TMEM181: variants seen among roughly 807,000 people sequenced by gnomAD.
TMEM181 encodes the protein transmembrane protein 181, also known as G protein-coupled receptor 178.
Under a neutral mutation model 71.9 loss-of-function variants are expected in TMEM181, and 39 were observed. That is an observed-to-expected ratio of 0.54 (90% CI 0.42 to 0.71). TMEM181 has a LOEUF of 0.71. Among genes scored for constraint, TMEM181 ranks in the 30% least tolerant of loss-of-function variants. TMEM181 has a pLI of 0.00. For synonymous variants in TMEM181, 245 were observed against 228.8 expected, an observed-to-expected ratio of 1.07 and a Z score of -0.64; for missense variants, 595 against 583.0, an observed-to-expected ratio of 1.02 and a Z score of -0.21.
At chr6:158,621,952 C>T (rs542129583) in intron 10 of TMEM181, among the ~76,000 whole-genome samples, 112 of 152,288 alleles carry the variant, frequency 7.4e-4, no homozygotes, top group African/African-American at 2.5e-3. Context: ...TCCCGCAGCT[C>T]GCCCACCTGC....
intron 1 of TMEM181, among the ~76,000 whole-genome samples, chr6:158,552,111 C>T (rs924721183): frequency 2.6e-5 from 4 of 152,062 alleles, no homozygotes; most frequent in Admixed American, 6.5e-5. Context: ...GAAAGGCATG[C>T]GAAATTTAAA....
At chr6:158,614,131 A>G (rs913019011) in intron 10 of TMEM181, among the ~76,000 whole-genome samples, 36 of 152,238 alleles carry the variant, frequency 2.4e-4, no homozygotes, top group Non-Finnish European at 2.1e-4. Context: ...GTACCTAAAC[A>G]TGTTAAATAA....
At chr6:158,563,910 A>C (rs1271306948) in intron 1 of TMEM181, among the ~76,000 whole-genome samples, 1 of 152,056 alleles carries the variant, frequency 6.6e-6, no homozygotes, top group African/African-American at 2.4e-5. Flanking sequence ...GCCTCCCAAG[A>C]AGCTGGAACT....
intron 2 of TMEM181, among the ~76,000 whole-genome samples, chr6:158,578,235 A>AAGTG (rs1490054380): frequency 1.3e-5 from 2 of 152,240 alleles, no homozygotes; most frequent in Non-Finnish European, 2.9e-5. Context: ...AGTATTGCTG[A>AAGTG]AGTGAGTCCT....
intron 6 of TMEM181, among the ~76,000 whole-genome samples, chr6:158,593,750 A>G (rs774085598): frequency 3.3e-5 from 5 of 152,136 alleles, no homozygotes; most frequent in Non-Finnish European, 7.3e-5. Context: ...CCACATTATT[A>G]CTATTTTTTA....
At chr6:158,624,368 T>C (rs574844016) in intron 11 of TMEM181, among the ~76,000 whole-genome samples, 1 of 152,340 alleles carries the variant, frequency 6.6e-6, no homozygotes, top group Admixed American at 6.5e-5. Context: ...TGCTGTGCTG[T>C]CCTGTGCTCT....
chr6:158,610,479 A>G, intron 10 of TMEM181: 1 of 331,262 alleles, frequency 3.0e-6, no homozygotes, highest in Non-Finnish European at 5.6e-6. Flanking sequence ...AGCATATCCA[A>G]ATGACAGTGG....
At chr6:158,538,908 GA>G in intron 1 of TMEM181, among the ~76,000 whole-genome samples, 2 of 152,240 alleles carry the variant, frequency 1.3e-5, no homozygotes, top group Non-Finnish European at 2.9e-5. Context: ...TCAAGGCACA[GA>G]TGGAAGACCA....
intron 1 of TMEM181, among the ~76,000 whole-genome samples, chr6:158,551,168 G>A (rs982326788): frequency 1.3e-5 from 2 of 151,970 alleles, no homozygotes; most frequent in Non-Finnish European, 2.9e-5. Context: ...CACCATGTTG[G>A]CCAGAAGGGT....
chr6:158,562,345 C>G (rs1011618960), intron 1 of TMEM181, among the ~76,000 whole-genome samples: 1 of 152,052 alleles, frequency 6.6e-6, no homozygotes, highest in African/African-American at 2.4e-5. Context: ...GCTAACCTGA[C>G]TTGTTTGAGC....
intron 10 of TMEM181, chr6:158,611,010 A>T: frequency 2.2e-6 from 1 of 445,644 alleles, no homozygotes; most frequent in Non-Finnish European, 4.4e-6. Context: ...CTCCATCACC[A>T]CCTCCCTATC....
rs937966058 is a variant in TMEM181, at chr6:158,573,638, A to AGG, written c.112+117_112+118dup. 7.0e-6 allele frequency: 6 copies of AGG among 852,530 alleles called. No individual in the cohort carries two copies. In the African/African-American group the frequency reaches 1.0e-4, roughly 14 times the overall value. The allele number at this position is 852,530 out of a possible 1,614,324, so 52.8% of individuals were successfully genotyped here. On this transcript the variant is annotated intron_variant, in intron 2 of 16. Transcript: ENST00000684151. ...TCCACTGCTAAGGGCCCCAGCGTGG[A>AGG]GGGAGAAGTGTCCACAGGGTGGATG... is the stretch of plus-strand genomic sequence containing the variant.
intron 3 of TMEM181, among the ~76,000 whole-genome samples, chr6:158,581,726 C>A (rs1333356496): frequency 1.7e-5 from 2 of 118,742 alleles, no homozygotes; most frequent in Non-Finnish European, 3.2e-5. Context: ...ATGCATCCAG[C>A]CTGGGTGACA....
intron 6 of TMEM181, among the ~76,000 whole-genome samples, chr6:158,601,691 G>A (rs1394156372): frequency 2.6e-5 from 4 of 151,762 alleles, no homozygotes; most frequent in Non-Finnish European, 4.4e-5. Flanking sequence ...CCTGGGAGAC[G>A]GAGGTTGCAG....
intron 2 of TMEM181, among the ~76,000 whole-genome samples, chr6:158,575,639 C>T (rs1008074872): frequency 3.3e-5 from 5 of 152,078 alleles, no homozygotes; most frequent in Admixed American, 2.6e-4. Context: ...TTTCTGATTC[C>T]CAGTTCTTAA....
chr6:158,625,267 A>G (rs1470804717), intron 12 of TMEM181, 61 bp downstream of exon 12: 3 of 1,457,968 alleles, frequency 2.1e-6, no homozygotes, highest in Non-Finnish European at 2.9e-6. Flanking sequence ...GTGGGGGAAG[A>G]AGTGGTTGGA....
intron 5 of TMEM181, among the ~76,000 whole-genome samples, chr6:158,586,522 T>A (rs1416203929): frequency 1.3e-5 from 2 of 152,180 alleles, no homozygotes; most frequent in African/African-American, 4.8e-5. Flanking sequence ...TTGCCCAAGG[T>A]AACGCAGATA....
intron 6 of TMEM181, 128 bp from the exon 7 acceptor site, chr6:158,605,124 AAAAAAAAGTGTGTGT>A: frequency 2.0e-6 from 1 of 499,414 alleles, no homozygotes; most frequent in Non-Finnish European, 3.2e-6. Context: ...CAAAAAAAAA[AAAAAAAAGTGTGTGT>A]GTGTGTGTGT....
chr6:158,545,660 T>C (rs1335031679), intron 1 of TMEM181, among the ~76,000 whole-genome samples: 2 of 151,728 alleles, frequency 1.3e-5, no homozygotes, highest in African/African-American at 4.8e-5. Flanking sequence ...CATTCTTTTT[T>C]AGTTTTTTTT....
Sources: allele counts gnomAD v4.1 joint callset (sites outside exome capture counted in the v4.1 genomes callset), GRCh38; gene constraint gnomAD v4.1.1; transcripts MANE v1.5; gene names NCBI Gene and HGNC (gene_info 2026-07-23, HGNC 2026-07-21).